The following SYDE2 variants were observed in gnomAD, a reference collection of about 807,000 sequenced individuals.
SYDE2 encodes the protein synapse defective Rho GTPase homolog 2.
In SYDE2, 76 loss-of-function variants were observed where a neutral mutation model predicts 91.5. That is an observed-to-expected ratio of 0.83 (90% CI 0.69 to 1.01). The LOEUF (loss-of-function observed/expected upper bound fraction) is 1.01, where lower values mean the gene tolerates loss of function less well. SYDE2 is among the 50% of genes least tolerant of loss of function. The probability of loss-of-function intolerance (pLI) is 0.00; values close to 1 mark genes in which losing one functional copy is unlikely to be tolerated. For synonymous variants in SYDE2, 513 were observed against 506.4 expected (o/e 1.01, Z -0.18); for missense variants, 1,364 against 1,367.7 (o/e 1.00, Z 0.04).
At chr1:85,165,398 A>G in intron 5 of SYDE2, among the ~76,000 whole-genome samples, 1 of 152,190 alleles carries the variant, frequency 6.6e-6, no homozygotes, top group African/African-American at 2.4e-5. Flanking sequence ...GGCTGTGATG[A>G]AAAGGGGATT....
intron 1 of SYDE2, among the ~76,000 whole-genome samples, chr1:85,194,375 T>C (rs1163480537): frequency 2.0e-5 from 3 of 149,048 alleles, no homozygotes; most frequent in Admixed American, 6.7e-5. Flanking sequence ...TGCCTATATA[T>C]TGCCTATAAA....
chr1:85,167,108 G>C lies in SYDE2; in HGVS notation c.2853+1936C>G, dbSNP rs181188363. ...ACATGCCTGAAGTCCCAGCTACTTG[G>C]GGGGCTGAGGCAGGAGGATGGCGTG... On this transcript the variant is annotated intron_variant, in intron 5 of 6. Transcript: ENST00000341460. 5.7e-4 allele frequency among the ~76,000 whole-genome samples: 87 copies of C among 151,966 alleles called. 2 individuals are homozygous for C. In the East Asian group the frequency reaches 0.014, roughly 24 times the overall value.
At chr1:85,194,154 T>C (rs576059924) in intron 1 of SYDE2, among the ~76,000 whole-genome samples, 84 of 151,776 alleles carry the variant, frequency 5.5e-4, no homozygotes, top group Admixed American at 2.0e-3. Flanking sequence ...TGAGCAATTA[T>C]TTATAATTAA....
At chr1:85,190,853 A>G in intron 1 of SYDE2, 101 bp from the exon 2 acceptor site, 1 of 873,716 alleles carries the variant, frequency 1.1e-6, no homozygotes, top group Non-Finnish European at 1.7e-6. Flanking sequence ...TTAAACAAAA[A>G]GTAACAACAA....
At chr1:85,168,441 A>G (rs1657376848) in intron 5 of SYDE2, among the ~76,000 whole-genome samples, 1 of 152,314 alleles carries the variant, frequency 6.6e-6, no homozygotes, top group South Asian at 2.1e-4. Flanking sequence ...TTTCCCTTCT[A>G]TTCTAAGGAA....
downstream of SYDE2, among the ~76,000 whole-genome samples, chr1:85,155,006 C>A (rs1571217862): frequency 1.0e-4 from 3 of 28,834 alleles, no homozygotes; most frequent in Admixed American, 4.6e-4. Flanking sequence ...AGAAAGAATG[C>A]AGCAAAAAAA....
rs55977750 is a variant in SYDE2, at chr1:85,163,445, CTATATATATATATATA to C, written c.3085+1065_3085+1080del. Reference sequence around the variant, plus strand: ...ATCAAGCATTCTCTTGTACTTTAATCTATATATATATATATATATATATATATATATATATAACAAA... The same window carrying C: ...ATCAAGCATTCTCTTGTACTTTAATCTATATATATATATATATATAACAAA... On this transcript the variant is annotated intron_variant, in intron 6 of 6. Coordinates refer to ENST00000341460, the MANE Select transcript of SYDE2 (RefSeq NM_032184.2). 3.1e-3 allele frequency among the ~76,000 whole-genome samples: 269 copies of C among 87,624 alleles called. 4 individuals are homozygous for C. The highest frequency in any genetic ancestry group is 8.0e-3 in the African/African-American group (231 of 29,040). 57.5% of individuals were successfully genotyped at this position (87,624 alleles called of 152,430 possible). A position where few individuals can be genotyped will look rare whatever the true frequency, so the allele number is the denominator to read the frequency against.
In SYDE2 at chr1:85,158,620, G is replaced by C. The variant is rs1656944351; in HGVS notation, c.*130C>G. 1.8e-6 allele frequency: 1 copy of C among 557,000 alleles called. No homozygotes were observed. Among genetic ancestry groups the C allele is most frequent in the Admixed American group, 3.7e-5 (1 of 27,200 alleles). 34.5% of individuals were successfully genotyped at this position (557,000 alleles called of 1,614,324 possible). A position where few individuals can be genotyped will look rare whatever the true frequency, so the allele number is the denominator to read the frequency against. On this transcript the variant is annotated 3_prime_UTR_variant, in exon 7 of 7. Transcript: ENST00000341460. ...ATGAATAGTGTTTTTAATTGAATCA[G>C]ATAAACTTATTAAAAATTAATTAAA...
chr1:85,171,398 G>A (rs750571454), intron 4 of SYDE2, among the ~76,000 whole-genome samples: 8 of 152,110 alleles, frequency 5.3e-5, no homozygotes, highest in Non-Finnish European at 1.0e-4. Flanking sequence ...AGAGGAGGTG[G>A]GGATGGGGCG....
In SYDE2 at chr1:85,190,172, A is replaced by G. The variant is rs748783030; in HGVS notation, c.1326T>C (p.Pro442=). The change falls in exon 2 of 7, where the codon CCT becomes CCC. Residue 442 remains proline, a synonymous_variant. Coordinates refer to ENST00000341460, the MANE Select transcript of SYDE2 (RefSeq NM_032184.2). ...ATTCTGTGGAATGGGCAGGATGTAT[A>G]GGATTCATTCCATTTGACCGTGTGG... ...IQTTRSNGMN[P]IHPAHSTEFV... The G allele has an allele frequency of 2.8e-5, 45 of 1,613,994 alleles. 1 individual carries two copies. The Middle Eastern group carries it at 4.9e-4, about 18-fold the overall frequency.
chr1:85,176,932 A>G (rs1274181008), intron 4 of SYDE2, among the ~76,000 whole-genome samples: 1 of 152,232 alleles, frequency 6.6e-6, no homozygotes, highest in Non-Finnish European at 1.5e-5. Context: ...ATATGGAATT[A>G]TTATAAACCA....
intron 6 of SYDE2, 57 bp downstream of exon 6, chr1:85,164,469 A>T: frequency 8.5e-7 from 1 of 1,178,900 alleles, no homozygotes; most frequent in Non-Finnish European, 1.1e-6. Flanking sequence ...TTTAATGATT[A>T]GTTAATTCAA....
In SYDE2 at chr1:85,157,896, A is replaced by G. The variant is rs1385485712; in HGVS notation, c.*854T>C. On this transcript the variant is annotated 3_prime_UTR_variant, in exon 7 of 7. Coordinates refer to ENST00000341460, the MANE Select transcript of SYDE2 (RefSeq NM_032184.2). Reference sequence around the variant, plus strand: ...AGTTTCAGGATTATAAAAATATTTAATTTTTATAAGCTTAAATAATTACTG... The same window carrying G: ...AGTTTCAGGATTATAAAAATATTTAGTTTTTATAAGCTTAAATAATTACTG... 2 of 152,186 alleles carry G rather than the reference A, an allele frequency of 1.3e-5. No individual in the cohort carries two copies. Among genetic ancestry groups the G allele is most frequent in the Non-Finnish European group, 2.9e-5 (2 of 68,036 alleles). 9.4% of individuals were successfully genotyped at this position (152,186 alleles called of 1,614,324 possible).
rs770523699 is a variant in SYDE2 at position 85,190,067 on chromosome 1, A to C, written c.1431T>G (p.Ser477=). ...IMVEDSPMLK[S]PFAGSGILAA... Reference sequence around the variant, plus strand: ...TATGATCATTTTTACCTGCAAAAGGAGATTTCAACATGGGACTGTCCTCCA... The same window carrying C: ...TATGATCATTTTTACCTGCAAAAGGCGATTTCAACATGGGACTGTCCTCCA... The change falls in exon 2 of 7, where the codon TCT becomes TCG. Residue 477 remains serine, a synonymous_variant. Transcript: ENST00000341460. 1 of 1,593,406 alleles carries C rather than the reference A, an allele frequency of 6.3e-7. No homozygotes were observed. The highest frequency in any genetic ancestry group is 1.1e-5 in the South Asian group (1 of 88,750).
chr1:85,189,929 G>T, intron 2 of SYDE2, 128 bp downstream of exon 2: 1 of 760,008 alleles, frequency 1.3e-6, no homozygotes, highest in Non-Finnish European at 2.0e-6. Flanking sequence ...TTATTTTCAT[G>T]AAAATATATT....
At chr1:85,161,588 C>G (rs1054707825) in intron 6 of SYDE2, among the ~76,000 whole-genome samples, 1 of 151,744 alleles carries the variant, frequency 6.6e-6, no homozygotes, top group Admixed American at 6.6e-5. Flanking sequence ...TAGCTGGGCG[C>G]AGTGGTACAC....
At chr1:85,188,764 C>A (rs1658250823) in intron 2 of SYDE2, among the ~76,000 whole-genome samples, 1 of 152,204 alleles carries the variant, frequency 6.6e-6, no homozygotes, top group Non-Finnish European at 1.5e-5. Flanking sequence ...CACGCCGAGG[C>A]TGCCCTGCAG....
chr1:85,160,839 C>A (rs1657030155), intron 6 of SYDE2: 1 of 985,362 alleles, frequency 1.0e-6, no homozygotes. Flanking sequence ...CATTTGCCTG[C>A]AAAATCCAGA....
rs533684193 is a variant in SYDE2 at position 85,160,005 on chromosome 1, C to T, written c.3086-756G>A. On this transcript the variant is annotated intron_variant, in intron 6 of 6. Transcript: ENST00000341460. ...CATATAGACGATTACCACAGAGACACACATTACTTCATTACAAACCAAGGT... is the reference window on the plus strand; with the variant it reads ...CATATAGACGATTACCACAGAGACATACATTACTTCATTACAAACCAAGGT... 9.6e-6 allele frequency: 8 copies of T among 835,560 alleles called. No homozygotes were observed. The Admixed American group carries it at 2.9e-4, about 30-fold the overall frequency. The allele number at this position is 835,560 out of a possible 1,614,324, so 51.8% of individuals were successfully genotyped here.
Sources: gnomAD v4.1 joint callset for allele counts (sites outside exome capture counted in the v4.1 genomes callset) on GRCh38, gnomAD v4.1.1 for gene constraint, MANE v1.5 for transcripts, NCBI Gene and HGNC (gene_info 2026-07-23, HGNC 2026-07-21) for gene names.